The following TTPA variants were observed in gnomAD, a reference collection of about 807,000 sequenced individuals.
TTPA encodes alpha-tocopherol transfer protein.
Under a neutral mutation model 25.9 loss-of-function variants are expected in TTPA, and 23 were observed. The observed-to-expected ratio is 0.89, with a 90% CI of 0.64 to 1.26. The LOEUF is 1.26. Among genes scored for constraint, TTPA ranks in the 50% most tolerant of loss-of-function variants. The pLI is 0.00. For synonymous variants in TTPA, 148 were observed against 137.3 expected (o/e 1.08, Z -0.54); for missense variants, 337 against 353.1 (o/e 0.95, Z 0.37).
chr8:63,085,553 C>T (rs1282612683), intron 1 of TTPA, among the ~76,000 whole-genome samples: 1 of 152,216 alleles, frequency 6.6e-6, no homozygotes, highest in Non-Finnish European at 1.5e-5. Context: ...GTTCTCCATG[C>T]TTGAGATCAA....
chr8:63,061,822 T>G (rs1805311284), intron 4 of TTPA, among the ~76,000 whole-genome samples: 1 of 152,224 alleles, frequency 6.6e-6, no homozygotes, highest in Non-Finnish European at 1.5e-5. Context: ...TAATTCATAT[T>G]AAGTAGAAGC....
chr8:63,083,349 A>C (rs1242427780), intron 1 of TTPA, among the ~76,000 whole-genome samples: 1 of 152,222 alleles, frequency 6.6e-6, no homozygotes, highest in Non-Finnish European at 1.5e-5. Context: ...GACGTGGACG[A>C]AGCTGGAAAC....
At chr8:63,065,563 ATGTGACATTTTAT>A (rs1805376002) in intron 3 of TTPA, among the ~76,000 whole-genome samples, 1 of 152,152 alleles carries the variant, frequency 6.6e-6, no homozygotes, top group African/African-American at 2.4e-5. Context: ...ACCAAGACTT[ATGTGACATTTTAT>A]TGTTCCATTG....
chr8:63,065,193 G>A (rs1805369951), intron 3 of TTPA, among the ~76,000 whole-genome samples: 1 of 152,136 alleles, frequency 6.6e-6, no homozygotes, highest in South Asian at 2.1e-4. Flanking sequence ...GTGTATAGGA[G>A]AAGTGGTGGT....
At chr8:63,082,046 C>A (rs1048637313) in intron 1 of TTPA, among the ~76,000 whole-genome samples, 1 of 152,136 alleles carries the variant, frequency 6.6e-6, no homozygotes, top group South Asian at 2.1e-4. Context: ...GAATCAATAT[C>A]ATGAAAATGG....
At chr8:63,078,475 G>A (rs1805607950) in intron 1 of TTPA, among the ~76,000 whole-genome samples, 1 of 152,188 alleles carries the variant, frequency 6.6e-6, no homozygotes, top group Non-Finnish European at 1.5e-5. Flanking sequence ...AGAATAAACA[G>A]TGTAGAGAAG....
chr8:63,084,474 G>A (rs1023820487), intron 1 of TTPA, among the ~76,000 whole-genome samples: 1 of 152,160 alleles, frequency 6.6e-6, no homozygotes, highest in South Asian at 2.1e-4. Flanking sequence ...TAACAGGTTA[G>A]ATACATTTTA....
intron 1 of TTPA, among the ~76,000 whole-genome samples, chr8:63,084,967 C>A (rs530406534): frequency 3.3e-5 from 5 of 152,164 alleles, no homozygotes; most frequent in Non-Finnish European, 4.4e-5. Flanking sequence ...ATCTTTCCTG[C>A]TAGGCAGCTG....
chr8:63,075,369 T>A (rs1805546120), intron 1 of TTPA, among the ~76,000 whole-genome samples: 1 of 152,154 alleles, frequency 6.6e-6, no homozygotes, highest in South Asian at 2.1e-4. Flanking sequence ...TCTTTTGAAT[T>A]CCTCCTCACC....
intron 1 of TTPA, among the ~76,000 whole-genome samples, chr8:63,074,212 A>G (rs1164061843): frequency 1.3e-5 from 2 of 152,204 alleles, no homozygotes; most frequent in African/African-American, 4.8e-5. Context: ...TACAAACGAC[A>G]AAAACTAGAG....
chr8:63,081,389 A>G lies in TTPA; in HGVS notation c.204+4429T>C, dbSNP rs531145786. Among the ~76,000 whole-genome samples the G allele has an allele frequency of 3.2e-3, 485 of 152,300 alleles. 5 individuals carry two copies. The highest frequency in any genetic ancestry group is 5.2e-3 in the Non-Finnish European group (352 of 68,024). On this transcript the variant is annotated intron_variant, in intron 1 of 4. Coordinates refer to ENST00000260116, the MANE Select transcript of TTPA (RefSeq NM_000370.3). ...CAGATAAACAGAATCAATGACAAAA[A>G]CCACATGATTATCTCAATAGATGCA...
intron 1 of TTPA, among the ~76,000 whole-genome samples, chr8:63,079,991 A>C (rs1805634705): frequency 6.6e-6 from 1 of 152,234 alleles, no homozygotes; most frequent in African/African-American, 2.4e-5. Context: ...CAGCGCAATC[A>C]AATTAGAACT....
At chr8:63,072,291 C>T (rs889073362) in intron 2 of TTPA, among the ~76,000 whole-genome samples, 7 of 145,504 alleles carry the variant, frequency 4.8e-5, no homozygotes, top group Admixed American at 4.7e-4. Context: ...GAGACGGACT[C>T]TTGTTCTTTT....
At chr8:63,082,247 C>T (rs1252418823) in intron 1 of TTPA, among the ~76,000 whole-genome samples, 1 of 152,168 alleles carries the variant, frequency 6.6e-6, no homozygotes, top group African/African-American at 2.4e-5. Flanking sequence ...AACTACGCTA[C>T]AAGGCTACAG....
In TTPA at chr8:63,067,240, G is replaced by A. The variant is rs141408663; in HGVS notation, c.359-1143C>T. Reference sequence around the variant, plus strand: ...AATGCTGGAAAAGACAGAGCCAATCGAGGAAAAATGGTTTGGAAGATCAAG... The same window carrying A: ...AATGCTGGAAAAGACAGAGCCAATCAAGGAAAAATGGTTTGGAAGATCAAG... On this transcript the variant is annotated intron_variant, in intron 2 of 4. Transcript: ENST00000260116. Among the ~76,000 whole-genome samples, 278 of 152,154 alleles carry A rather than the reference G, an allele frequency of 1.8e-3. 1 individual carries two copies. The highest frequency in any genetic ancestry group is 6.1e-3 in the African/African-American group (253 of 41,532).
chr8:63,069,451 C>T (rs1188507584), intron 2 of TTPA, among the ~76,000 whole-genome samples: 5 of 152,040 alleles, frequency 3.3e-5, no homozygotes, highest in African/African-American at 1.2e-4. Context: ...TTAGTTTCAC[C>T]AGGTGCAGTG....
intron 2 of TTPA, among the ~76,000 whole-genome samples, chr8:63,072,635 TTTC>T (rs1431123018): frequency 3.3e-5 from 5 of 152,240 alleles, no homozygotes; most frequent in Admixed American, 3.3e-4. Flanking sequence ...ACTATTTTCC[TTTC>T]TTCTTATTTT....
intron 2 of TTPA, among the ~76,000 whole-genome samples, chr8:63,070,058 T>G (rs1805459991): frequency 6.6e-6 from 1 of 152,230 alleles, no homozygotes; most frequent in Admixed American, 6.5e-5. Flanking sequence ...TGTGCCCATT[T>G]TACAGATGAG....
chr8:63,075,976 G>C (rs1805556704), intron 1 of TTPA, among the ~76,000 whole-genome samples: 1 of 152,162 alleles, frequency 6.6e-6, no homozygotes, highest in African/African-American at 2.4e-5. Flanking sequence ...GAATTCATGA[G>C]ACTATGTAGA....
Sources: allele counts gnomAD v4.1 joint callset (sites outside exome capture counted in the v4.1 genomes callset), GRCh38; gene constraint gnomAD v4.1.1; transcripts MANE v1.5; gene names NCBI Gene and HGNC (gene_info 2026-07-23, HGNC 2026-07-21).